Variants in ITGBL1 observed in about 807,000 individuals in gnomAD.
ITGBL1 encodes integrin subunit beta like 1, also known as integrin beta-like protein 1.
In ITGBL1, 51 loss-of-function variants were observed where a neutral mutation model predicts 68.5. The observed-to-expected ratio is 0.74, with a 90% CI of 0.59 to 0.94. The LOEUF is 0.94. Among genes scored for constraint, ITGBL1 ranks in the 40% least tolerant of loss-of-function variants. ITGBL1 has a pLI of 0.00. For synonymous variants in ITGBL1, 209 were observed against 227.3 expected, an observed-to-expected ratio of 0.92 and a Z score of 0.72; for missense variants, 649 against 647.4, an observed-to-expected ratio of 1.00 and a Z score of -0.03.
intron 9 of ITGBL1, chr13:101,713,809 C>G (rs2034589300): frequency 6.6e-6 from 1 of 151,988 alleles, no homozygotes; most frequent in Non-Finnish European, 1.5e-5. Flanking sequence ...AATCCAGAGC[C>G]TCATAAAATA....
At chr13:101,512,186 G>A (rs191805561) in intron 2 of ITGBL1, among the ~76,000 whole-genome samples, 1 of 152,082 alleles carries the variant, frequency 6.6e-6, no homozygotes, top group African/African-American at 2.4e-5. Flanking sequence ...TTGCCTTTGT[G>A]TTTGATGATC....
chr13:101,574,220 G>T (rs2139267483), intron 3 of ITGBL1, among the ~76,000 whole-genome samples: 1 of 151,914 alleles, frequency 6.6e-6, no homozygotes, highest in Non-Finnish European at 1.5e-5. Context: ...TGCACCTCAG[G>T]TTGCTTTATT....
chr13:101,659,636 T>C (rs1359625188), intron 7 of ITGBL1, among the ~76,000 whole-genome samples: 1 of 152,190 alleles, frequency 6.6e-6, no homozygotes, highest in East Asian at 1.9e-4. Context: ...TAATTTTTTG[T>C]ATTTTGAGTA....
intron 7 of ITGBL1, among the ~76,000 whole-genome samples, chr13:101,608,328 T>C (rs768287612): frequency 6.6e-6 from 1 of 152,002 alleles, no homozygotes; most frequent in Non-Finnish European, 1.5e-5. Flanking sequence ...TTTAATTTCC[T>C]GTTTTATTTT....
chr13:101,542,513 T>C (rs561987624), intron 2 of ITGBL1, among the ~76,000 whole-genome samples: 1 of 152,318 alleles, frequency 6.6e-6, no homozygotes, highest in East Asian at 1.9e-4. Context: ...GGTGTGGTGC[T>C]GAGAATAATG....
chr13:101,708,432 G>A (rs2034311312), intron 9 of ITGBL1, among the ~76,000 whole-genome samples: 1 of 151,936 alleles, frequency 6.6e-6, no homozygotes, highest in Non-Finnish European at 1.5e-5. Flanking sequence ...AACCTCTGCT[G>A]GTCAGGATGA....
At chr13:101,701,015 T>C (rs2034124356) in intron 8 of ITGBL1, among the ~76,000 whole-genome samples, 1 of 152,364 alleles carries the variant, frequency 6.6e-6, no homozygotes, top group South Asian at 2.1e-4. Flanking sequence ...TTACTTACTG[T>C]TATATTCTAA....
intron 2 of ITGBL1, among the ~76,000 whole-genome samples, chr13:101,512,354 T>A (rs1452605579): frequency 6.6e-6 from 1 of 152,156 alleles, no homozygotes; most frequent in Non-Finnish European, 1.5e-5. Flanking sequence ...TGTCTCCACG[T>A]CTCTTCTAAG....
In ITGBL1 at chr13:101,598,274, C is replaced by T. The variant is rs775840657; in HGVS notation, c.990C>T (p.Ser330=). The change falls in exon 7 of 11, where the codon AGC becomes AGT. Residue 330 remains serine, a synonymous_variant. Transcript: ENST00000376180. ...AEESIRKCQG[S]SDLPCSGRGK... is the part of the protein sequence containing the mutation. ...AGAGCATCAGGAAGTGCCAGGGAAG[C>T]TCGGATCTGCCTTGCTCTGGGAGGG... 1.3e-5 allele frequency: 21 copies of T among 1,612,838 alleles called. No homozygotes were observed. The African/African-American group carries it at 1.7e-4, about 13-fold the overall frequency.
chr13:101,510,214 T>C (rs1471073776), intron 2 of ITGBL1, among the ~76,000 whole-genome samples: 2 of 152,144 alleles, frequency 1.3e-5, no homozygotes, highest in East Asian at 1.9e-4. Flanking sequence ...TTTATGTTCA[T>C]GTGTATTCCA....
chr13:101,523,801 AG>A (rs1348277201), intron 2 of ITGBL1, among the ~76,000 whole-genome samples: 1 of 152,238 alleles, frequency 6.6e-6, no homozygotes, highest in African/African-American at 2.4e-5. Context: ...AGTAATCCTC[AG>A]TTTTGTCCCA....
intron 2 of ITGBL1, among the ~76,000 whole-genome samples, chr13:101,555,906 C>T (rs2139223324): frequency 6.6e-6 from 1 of 152,284 alleles, no homozygotes; most frequent in East Asian, 1.9e-4. Context: ...GACTCAGACT[C>T]AGAATTTTCA....
At chr13:101,669,927 C>T (rs2139499634) in intron 7 of ITGBL1, among the ~76,000 whole-genome samples, 1 of 152,324 alleles carries the variant, frequency 6.6e-6, no homozygotes, top group East Asian at 1.9e-4. Flanking sequence ...CCTTCTCTTC[C>T]TGCAGAGGTA....
At chr13:101,477,251 C>T (rs959888463) in intron 2 of ITGBL1, among the ~76,000 whole-genome samples, 1 of 151,894 alleles carries the variant, frequency 6.6e-6, no homozygotes, top group Non-Finnish European at 1.5e-5. Context: ...ACCAATGGGT[C>T]AATGAAGTAA....
chr13:101,712,648 T>C (rs557547091), intron 9 of ITGBL1: 5 of 152,262 alleles, frequency 3.3e-5, no homozygotes, highest in Admixed American at 3.3e-4. Context: ...CTCATGGAAA[T>C]AAAACACTAA....
intron 7 of ITGBL1, among the ~76,000 whole-genome samples, chr13:101,677,764 G>T (rs2033540291): frequency 6.6e-6 from 1 of 152,118 alleles, no homozygotes; most frequent in South Asian, 2.1e-4. Flanking sequence ...TGCCTATGAT[G>T]AATGTGCTGT....
At chr13:101,642,723 C>A (rs934137311) in intron 7 of ITGBL1, among the ~76,000 whole-genome samples, 1 of 151,686 alleles carries the variant, frequency 6.6e-6, no homozygotes, top group East Asian at 1.9e-4. Context: ...TTTAATCCAT[C>A]TTGAATTAAT....
At chr13:101,508,797 T>G (rs4384474) in intron 2 of ITGBL1, among the ~76,000 whole-genome samples, 119,362 of 151,916 alleles carry the variant, frequency 0.79, 47,221 homozygotes, top group African/African-American at 0.89. Flanking sequence ...TTCCATATTT[T>G]GTTCTTTGAT....
rs191997500 is a variant in ITGBL1 at position 101,508,136 on chromosome 13, G to A, written c.316+54036G>A. On this transcript the variant is annotated intron_variant, in intron 2 of 10. Coordinates refer to ENST00000376180, the MANE Select transcript of ITGBL1 (RefSeq NM_004791.3). ...GTTTATTTTCTTTGTAGCATTAGTG[G>A]CAATCTGTAATTATTTATTTATGTC... Among the ~76,000 whole-genome samples the A allele has an allele frequency of 1.2e-4, 18 of 152,162 alleles. No homozygotes were observed. The East Asian group carries it at 3.1e-3, about 26-fold the overall frequency.
Sources: allele counts gnomAD v4.1 joint callset (sites outside exome capture counted in the v4.1 genomes callset), GRCh38; gene constraint gnomAD v4.1.1; transcripts MANE v1.5; gene names NCBI Gene and HGNC (gene_info 2026-07-23, HGNC 2026-07-21).